The following NTN1 variants were observed in gnomAD, a reference collection of about 807,000 sequenced individuals.
NTN1 encodes netrin 1.
Under a neutral mutation model 54.2 loss-of-function variants are expected in NTN1, and 11 were observed. The ratio of observed to expected loss-of-function variants is 0.20; its 90% confidence interval spans 0.13 to 0.34. The LOEUF is 0.34. Ranked by LOEUF, NTN1 falls within the 10% of genes least tolerant of loss-of-function variation. The probability of loss-of-function intolerance (pLI) is 1.00; values close to 1 mark genes in which losing one functional copy is unlikely to be tolerated. For synonymous variants in NTN1, 371 were observed against 382.0 expected (o/e 0.97, Z 0.33); for missense variants, 740 against 893.1 (o/e 0.83, Z 2.18).
intron 2 of NTN1, among the ~76,000 whole-genome samples, chr17:9,125,205 A>G (rs8080329): frequency 0.71 from 106,671 of 150,914 alleles, 39,710 homozygotes; most frequent in East Asian, 1. Context: ...GGGACTACAG[A>G]TGCATGCCAC....
At position 9,104,976 on chromosome 17, in the gene NTN1, T is replaced by C. The variant is rs777964151; in HGVS notation, c.1019-57837T>C. Among the ~76,000 whole-genome samples, 19 of 152,172 alleles carry C rather than the reference T, an allele frequency of 1.2e-4. 1 individual carries two copies. Among genetic ancestry groups the C allele is most frequent in the Non-Finnish European group, 2.4e-4 (16 of 68,004 alleles). ...AGGCCCCTGTGATGGTGAGTGCCTC[T>C]GAGTGGGGCAGGGGTGGGGTGACCC... On this transcript the variant is annotated intron_variant, in intron 2 of 6. Coordinates refer to ENST00000173229, the MANE Select transcript of NTN1 (RefSeq NM_004822.3).
chr17:9,205,979 G>C (rs3785985), intron 5 of NTN1, among the ~76,000 whole-genome samples: 6,085 of 152,254 alleles, frequency 0.04, 222 homozygotes, highest in East Asian at 0.16. Context: ...TGCCGCAGAC[G>C]GGCTGAGCTC....
At chr17:9,068,512 A>ATT (rs34047213) in intron 2 of NTN1, among the ~76,000 whole-genome samples, 22,651 of 141,084 alleles carry the variant, frequency 0.16, 1,961 homozygotes, top group African/African-American at 0.2. Context: ...GTATGTGTGA[A>ATT]TTTTTTTTTT....
At chr17:9,184,905 C>T (rs1355735171) in intron 5 of NTN1, among the ~76,000 whole-genome samples, 2 of 152,260 alleles carry the variant, frequency 1.3e-5, no homozygotes, top group East Asian at 3.8e-4. Flanking sequence ...TAAACACTGG[C>T]AGCCTCCTTT....
chr17:9,102,302 C>A (rs571107221), intron 2 of NTN1, among the ~76,000 whole-genome samples: 221 of 147,690 alleles, frequency 1.5e-3, no homozygotes, highest in African/African-American at 5.1e-3. Flanking sequence ...AGGAAACTTA[C>A]AATCATGGCA....
intron 2 of NTN1, among the ~76,000 whole-genome samples, chr17:9,088,743 G>A (rs1332809414): frequency 3.3e-5 from 5 of 152,188 alleles, no homozygotes; most frequent in African/African-American, 1.2e-4. Context: ...CTGAGCCACA[G>A]TAACCATTTC....
At chr17:9,152,865 C>T (rs371286863) in intron 2 of NTN1, among the ~76,000 whole-genome samples, 39 of 152,306 alleles carry the variant, frequency 2.6e-4, no homozygotes, top group African/African-American at 3.9e-4. Flanking sequence ...GGGGGAGTCG[C>T]GGAGCCGGAG....
At chr17:9,158,568 A>T (rs1340463400) in intron 2 of NTN1, among the ~76,000 whole-genome samples, 1 of 152,158 alleles carries the variant, frequency 6.6e-6, no homozygotes, top group Admixed American at 6.5e-5. Flanking sequence ...ACTTCCAGTG[A>T]TAGGGGTCTT....
chr17:9,223,159 G>A (rs981785629), intron 6 of NTN1, among the ~76,000 whole-genome samples: 7 of 152,196 alleles, frequency 4.6e-5, no homozygotes, highest in Admixed American at 2.0e-4. Flanking sequence ...CACCTCCCAC[G>A]GGAAAATAAA....
rs141329502 is a variant in NTN1 at position 9,148,322 on chromosome 17, C to A, written c.1019-14491C>A. 9.2e-5 allele frequency among the ~76,000 whole-genome samples: 14 copies of A among 152,300 alleles called. No homozygotes were observed. In the South Asian group the frequency reaches 1.2e-3, roughly 14 times the overall value. ...AAATAGGAACTGAAGAAGCAGACAACCCTTTGAGTTAAGAAAAACCCAAAC... is the reference window on the plus strand; with the variant it reads ...AAATAGGAACTGAAGAAGCAGACAAACCTTTGAGTTAAGAAAAACCCAAAC... On this transcript the variant is annotated intron_variant, in intron 2 of 6. Transcript: ENST00000173229.
chr17:9,230,621 G>A (rs1169790890), intron 6 of NTN1, among the ~76,000 whole-genome samples: 1 of 152,190 alleles, frequency 6.6e-6, no homozygotes, highest in African/African-American at 2.4e-5. Context: ...TTGCTCTGGT[G>A]AGAGCCCGGT....
At chr17:9,229,091 ACTG>A (rs1905715244) in intron 6 of NTN1, among the ~76,000 whole-genome samples, 1 of 146,900 alleles carries the variant, frequency 6.8e-6, no homozygotes, top group Non-Finnish European at 1.5e-5. Flanking sequence ...TGTGTGTGTG[ACTG>A]AGACTGTGAC....
chr17:9,088,492 A>G (rs1014382001), intron 2 of NTN1, among the ~76,000 whole-genome samples: 3 of 151,994 alleles, frequency 2.0e-5, no homozygotes, highest in Non-Finnish European at 2.9e-5. Flanking sequence ...AAGCCGCTCT[A>G]TGTTCTCTGG....
intron 2 of NTN1, among the ~76,000 whole-genome samples, chr17:9,057,210 C>T (rs964572318): frequency 7.3e-5 from 11 of 150,222 alleles, no homozygotes; most frequent in Admixed American, 1.3e-4. Flanking sequence ...GACCAAAGGA[C>T]CCCTGTGGTC....
intron 2 of NTN1, among the ~76,000 whole-genome samples, chr17:9,045,363 T>C (rs763404683): frequency 1.3e-5 from 2 of 152,202 alleles, no homozygotes; most frequent in Non-Finnish European, 2.9e-5. Context: ...TCATGAAATA[T>C]GACCCCAAAT....
At chr17:9,054,427 G>T (rs1048159252) in intron 2 of NTN1, among the ~76,000 whole-genome samples, 1 of 152,200 alleles carries the variant, frequency 6.6e-6, no homozygotes, top group African/African-American at 2.4e-5. Context: ...TTTGAACAAG[G>T]ATGGAGGGTG....
chr17:9,096,172 A>G (rs1324576766), intron 2 of NTN1, among the ~76,000 whole-genome samples: 1 of 152,026 alleles, frequency 6.6e-6, no homozygotes, highest in Non-Finnish European at 1.5e-5. Flanking sequence ...TTCCTCATCT[A>G]TGTCCCTGAA....
At chr17:9,076,955 T>C (rs1453488661) in intron 2 of NTN1, among the ~76,000 whole-genome samples, 1 of 152,106 alleles carries the variant, frequency 6.6e-6, no homozygotes, top group Non-Finnish European at 1.5e-5. Context: ...GCAGTTATTC[T>C]AGGAAGCCCA....
chr17:9,144,511 C>T (rs1351648722), intron 2 of NTN1, among the ~76,000 whole-genome samples: 1 of 152,192 alleles, frequency 6.6e-6, no homozygotes, highest in Non-Finnish European at 1.5e-5. Context: ...CCCTTTGTCA[C>T]CTCCAAGTTG....
Sources: gnomAD v4.1 joint callset for allele counts (sites outside exome capture counted in the v4.1 genomes callset) on GRCh38, gnomAD v4.1.1 for gene constraint, MANE v1.5 for transcripts, NCBI Gene and HGNC (gene_info 2026-07-23, HGNC 2026-07-21) for gene names.